The following FILIP1L variants were observed in gnomAD, a reference collection of about 807,000 sequenced individuals.
FILIP1L encodes the protein filamin A interacting protein 1 like, also known as filamin A-interacting protein 1-like.
A neutral mutation model predicts 96.6 loss-of-function variants in FILIP1L; 55 were observed. The observed-to-expected ratio is 0.57, with a 90% CI of 0.46 to 0.71. FILIP1L has a LOEUF of 0.71. FILIP1L is among the 30% of genes least tolerant of loss of function. FILIP1L has a pLI of 0.00. For missense variants in FILIP1L, 1,304 were observed against 1,321.2 expected, an observed-to-expected ratio of 0.99 and a Z score of 0.20; for synonymous variants, 467 against 473.9, an observed-to-expected ratio of 0.99 and a Z score of 0.19.
intron 1 of FILIP1L, among the ~76,000 whole-genome samples, chr3:99,937,524 A>G (rs1353647228): frequency 6.6e-6 from 1 of 152,242 alleles, no homozygotes; most frequent in East Asian, 1.9e-4. Context: ...CACAGCTCCA[A>G]CATGTTAGCT....
chr3:99,845,647 A>T (rs2107514813), intron 5 of FILIP1L, among the ~76,000 whole-genome samples: 1 of 152,320 alleles, frequency 6.6e-6, no homozygotes, highest in African/African-American at 2.4e-5. Flanking sequence ...CACACAAAAA[A>T]ATATAAGAAA....
intron 4 of FILIP1L, among the ~76,000 whole-genome samples, chr3:99,889,056 T>C (rs573545727): frequency 6.6e-6 from 1 of 152,304 alleles, no homozygotes; most frequent in African/African-American, 2.4e-5. Flanking sequence ...TTTGTTCAGG[T>C]TCTCTATCTG....
intron 4 of FILIP1L, among the ~76,000 whole-genome samples, chr3:99,895,716 C>A (rs1484595388): frequency 1.3e-5 from 2 of 152,180 alleles, no homozygotes; most frequent in Non-Finnish European, 2.9e-5. Flanking sequence ...TCCTTAATCT[C>A]CTTCATCTTT....
chr3:100,102,754 A>C (rs2066331208), intron 1 of FILIP1L, among the ~76,000 whole-genome samples: 1 of 152,186 alleles, frequency 6.6e-6, no homozygotes, highest in Non-Finnish European at 1.5e-5. Context: ...CTTGGCTATG[A>C]AAGACAATAA....
intron 5 of FILIP1L, among the ~76,000 whole-genome samples, chr3:99,839,219 A>G (rs538525539): frequency 2.6e-5 from 4 of 152,260 alleles, no homozygotes; most frequent in South Asian, 4.1e-4. Context: ...CTTACTGTCT[A>G]TATAGTTCCT....
At chr3:100,085,978 A>G (rs186620581) in intron 1 of FILIP1L, among the ~76,000 whole-genome samples, 14 of 152,240 alleles carry the variant, frequency 9.2e-5, no homozygotes, top group African/African-American at 3.4e-4. Flanking sequence ...GAGTTTAGTC[A>G]TTGGACAAGT....
rs189755672 is a variant in FILIP1L, at chr3:99,850,166, G to A, written c.1510C>T (p.Arg504Trp). 91 of 1,610,504 alleles carry A rather than the reference G, an allele frequency of 5.7e-5. 1 individual carries two copies. In the East Asian group the frequency reaches 1.0e-3, roughly 18 times the overall value. ...KTLTVMFVDE[R>W]KTMSEKLKKT... is the part of the protein sequence containing the mutation. ...TTTAATTTTTCACTCATTGTTTTCC[G>A]TTCATCTACAAACATCACAGTTAAT... is the stretch of plus-strand genomic sequence containing the variant. Residue 504 changes from arginine to tryptophan, a missense_variant, in exon 5 of 6, where the codon CGG (arginine) becomes TGG (tryptophan). By Grantham distance (101) the Arg-to-Trp change is moderately radical. Transcript: ENST00000477258.
At chr3:99,845,158 G>T (rs541851896) in intron 5 of FILIP1L, among the ~76,000 whole-genome samples, 1 of 152,140 alleles carries the variant, frequency 6.6e-6, no homozygotes, top group Non-Finnish European at 1.5e-5. Flanking sequence ...TTTCTTATGT[G>T]TACAGATTCA....
At chr3:99,986,818 C>T (rs886360771) in intron 1 of FILIP1L, among the ~76,000 whole-genome samples, 9 of 152,106 alleles carry the variant, frequency 5.9e-5, no homozygotes, top group Non-Finnish European at 1.2e-4. Context: ...TAAATGTCTG[C>T]AGTACAGAGG....
intron 1 of FILIP1L, among the ~76,000 whole-genome samples, chr3:99,998,832 G>A (rs1709759333): frequency 6.6e-6 from 1 of 152,224 alleles, no homozygotes; most frequent in Non-Finnish European, 1.5e-5. Flanking sequence ...GCCTCCCAAA[G>A]TAATGGGATT....
At chr3:99,857,764 G>C (rs1174010001) in intron 4 of FILIP1L, among the ~76,000 whole-genome samples, 1 of 152,150 alleles carries the variant, frequency 6.6e-6, no homozygotes, top group African/African-American at 2.4e-5. Flanking sequence ...TGTAAATAGA[G>C]AATAACTTCA....
intron 3 of FILIP1L, among the ~76,000 whole-genome samples, chr3:99,925,105 C>CTA (rs2107655255): frequency 6.6e-6 from 1 of 152,290 alleles, no homozygotes; most frequent in East Asian, 1.9e-4. Context: ...CCAGCCCACC[C>CTA]TATAGTTCTC....
intron 1 of FILIP1L, among the ~76,000 whole-genome samples, chr3:99,966,515 G>A (rs140147334): frequency 1.1e-4 from 17 of 152,154 alleles, no homozygotes; most frequent in African/African-American, 2.9e-4. Context: ...AAAATAGTAC[G>A]GAGACTTAGA....
intron 5 of FILIP1L, among the ~76,000 whole-genome samples, chr3:99,836,716 C>T (rs1014531803): frequency 3.9e-5 from 6 of 152,192 alleles, no homozygotes; most frequent in African/African-American, 1.4e-4. Flanking sequence ...CCTAAGGAGG[C>T]ATTTATTCCC....
chr3:100,033,000 C>A (rs577685122), intron 1 of FILIP1L, among the ~76,000 whole-genome samples: 1 of 152,066 alleles, frequency 6.6e-6, no homozygotes, highest in South Asian at 2.1e-4. Context: ...AATCCATATC[C>A]CCCTCACATG....
chr3:99,914,802 G>A (rs1237367841), intron 4 of FILIP1L, among the ~76,000 whole-genome samples: 1 of 152,176 alleles, frequency 6.6e-6, no homozygotes, highest in Non-Finnish European at 1.5e-5. Context: ...AGTGACAAAG[G>A]AGGAATATAA....
chr3:99,844,032 G>A (rs976189637), intron 5 of FILIP1L, among the ~76,000 whole-genome samples: 2 of 125,590 alleles, frequency 1.6e-5, no homozygotes, highest in Admixed American at 1.0e-4. Context: ...CATGAAAACA[G>A]TCCCTTGTGC....
chr3:99,961,968 G>T lies in FILIP1L; in HGVS notation c.-10-30938C>A, dbSNP rs949941906. Among the ~76,000 whole-genome samples the T allele has an allele frequency of 7.2e-5, 11 of 152,320 alleles. No individual in the cohort carries two copies. In the South Asian group the frequency reaches 1.2e-3, roughly 17 times the overall value. On this transcript the variant is annotated intron_variant, in intron 1 of 5. Transcript: ENST00000477258. ...GAACTTCTGATCTATTAATAGCAGA[G>T]TGGCAAGGGCTATTATAGGGGCCCC...
chr3:99,938,050 A>AGT (rs71625545), intron 1 of FILIP1L, among the ~76,000 whole-genome samples: 11,372 of 148,846 alleles, frequency 0.076, 405 homozygotes, highest in East Asian at 0.11. Flanking sequence ...AGGCTCAGGA[A>AGT]GTGTGTGTGT....
Sources: gnomAD v4.1 joint callset for allele counts (sites outside exome capture counted in the v4.1 genomes callset) on GRCh38, gnomAD v4.1.1 for gene constraint, MANE v1.5 for transcripts, NCBI Gene and HGNC (gene_info 2026-07-23, HGNC 2026-07-21) for gene names.